Variants in STXBP5 observed in about 807,000 individuals in gnomAD.
STXBP5 encodes the protein syntaxin-binding protein 5.
STXBP5 carries 50 observed loss-of-function variants against 152.4 expected under a neutral mutation model. The ratio of observed to expected loss-of-function variants is 0.33; its 90% CI spans 0.26 to 0.42. The LOEUF (loss-of-function observed/expected upper bound fraction) is 0.42. Ranked by LOEUF, STXBP5 falls within the 10% of genes least tolerant of loss-of-function variation. STXBP5 has a pLI of 1.00. For synonymous variants in STXBP5, 492 were observed against 494.7 expected (o/e 0.99, Z 0.07); for missense variants, 1,167 against 1,388.6 (o/e 0.84, Z 2.54).
At chr6:147,297,495 C>G (rs1199240344) in intron 9 of STXBP5, among the ~76,000 whole-genome samples, 1 of 152,068 alleles carries the variant, frequency 6.6e-6, no homozygotes, top group African/African-American at 2.4e-5. Context: ...TAATTACTGT[C>G]ATGAAAACAT....
chr6:147,255,444 G>A (rs486867), intron 4 of STXBP5, among the ~76,000 whole-genome samples: 65,304 of 151,944 alleles, frequency 0.43, 14,320 homozygotes, highest in East Asian at 0.71. Context: ...TGGGTGGGTA[G>A]TCAAGAACAA....
chr6:147,256,330 A>G (rs529532631), intron 4 of STXBP5, among the ~76,000 whole-genome samples: 1 of 143,854 alleles, frequency 7.0e-6, no homozygotes, highest in African/African-American at 2.6e-5. Context: ...ATTAGTAGAA[A>G]TGTAATATCA....
At chr6:147,227,177 CAGTT>C (rs1296350702) in intron 2 of STXBP5, among the ~76,000 whole-genome samples, 1 of 152,176 alleles carries the variant, frequency 6.6e-6, no homozygotes, top group East Asian at 1.9e-4. Flanking sequence ...TGGTATAAGT[CAGTT>C]AGAGGGATAC....
At position 147,387,663 on chromosome 6, in the gene STXBP5, T is replaced by A. The variant is rs1786405234; in HGVS notation, c.*2908T>A. The A allele has an allele frequency of 6.6e-6, 1 of 151,856 alleles. No homozygotes were observed. The highest frequency in any genetic ancestry group is 2.1e-4 in the South Asian group (1 of 4,834). The allele number at this position is 151,856 out of a possible 1,614,324, so 9.4% of individuals were successfully genotyped here. The stretch of plus-strand genomic sequence containing the variant: ...CCAAAAAAATGGTTATAGATTCGAC[T>A]GAGCTATTACTAACTTCTCCATTTG... On this transcript the variant is annotated 3_prime_UTR_variant, in exon 28 of 28. Transcript: ENST00000321680.
chr6:147,338,122 T>A (rs758690210), intron 19 of STXBP5, among the ~76,000 whole-genome samples: 2 of 152,132 alleles, frequency 1.3e-5, no homozygotes, highest in African/African-American at 2.4e-5. Flanking sequence ...GGTATTTGCC[T>A]CTGGCAGAAA....
chr6:147,384,186 G>A (rs529363673), intron 27 of STXBP5, among the ~76,000 whole-genome samples: 3 of 152,194 alleles, frequency 2.0e-5, no homozygotes, highest in East Asian at 1.9e-4. Flanking sequence ...GACTGCATGG[G>A]CACAAATTCC....
chr6:147,273,572 G>T (rs1780286087), intron 7 of STXBP5, among the ~76,000 whole-genome samples: 1 of 152,078 alleles, frequency 6.6e-6, no homozygotes, highest in African/African-American at 2.4e-5. Flanking sequence ...CAGAAATATT[G>T]GTAGTAAAAT....
At chr6:147,345,879 T>C (rs1784303298) in intron 21 of STXBP5, among the ~76,000 whole-genome samples, 1 of 152,204 alleles carries the variant, frequency 6.6e-6, no homozygotes. Context: ...AACTTCGTTA[T>C]TCCTACTAAA....
Position 147,363,532 on chromosome 6 carries a change from G to A in STXBP5, c.2743G>A (p.Ala915Thr). 6.2e-7 allele frequency: 1 copy of A among 1,614,112 alleles called. No individual in the cohort carries two copies. Among genetic ancestry groups the A allele is most frequent in the South Asian group, 1.1e-5 (1 of 91,076 alleles). Residue 915 changes from alanine (A) to threonine (T), a missense_variant, in exon 24 of 28, where the codon GCA becomes ACA. Coordinates refer to ENST00000321680, the MANE Select transcript of STXBP5 (RefSeq NM_001127715.4). ...SSQEISENQYAVICSEKQAKV... is the reference protein window; with the variant it reads ...SSQEISENQYTVICSEKQAKV... ...TCAGGAAATTAGTGAAAACCAGTAT[G>A]CAGTGATATGTTCTGAAAAGCAAGC...
intron 17 of STXBP5, among the ~76,000 whole-genome samples, chr6:147,326,208 T>C (rs1402209841): frequency 6.6e-6 from 1 of 152,180 alleles, no homozygotes; most frequent in East Asian, 1.9e-4. Context: ...AGCACAAACT[T>C]TCTTCTTTTA....
intron 7 of STXBP5, among the ~76,000 whole-genome samples, chr6:147,268,115 C>T (rs1779982253): frequency 6.6e-6 from 1 of 152,096 alleles, no homozygotes; most frequent in Non-Finnish European, 1.5e-5. Context: ...CTTTTAGTTT[C>T]ACTGTGTGCT....
At chr6:147,290,856 C>T (rs1244618126) in intron 8 of STXBP5, among the ~76,000 whole-genome samples, 1 of 152,182 alleles carries the variant, frequency 6.6e-6, no homozygotes, top group Non-Finnish European at 1.5e-5. Context: ...AATTTTGTCA[C>T]ATAAATGTTC....
At chr6:147,377,400 A>G (rs953222248) in intron 26 of STXBP5, among the ~76,000 whole-genome samples, 1 of 152,216 alleles carries the variant, frequency 6.6e-6, no homozygotes, top group Non-Finnish European at 1.5e-5. Flanking sequence ...ACAGCAAAAT[A>G]AACCAAATAA....
intron 9 of STXBP5, among the ~76,000 whole-genome samples, chr6:147,309,451 A>G (rs556592599): frequency 6.6e-6 from 1 of 152,254 alleles, no homozygotes; most frequent in East Asian, 1.9e-4. Flanking sequence ...TAAATAATTT[A>G]GGTTTAATAA....
chr6:147,375,330 A>T (rs1411202635), intron 26 of STXBP5, among the ~76,000 whole-genome samples: 1 of 152,188 alleles, frequency 6.6e-6, no homozygotes, highest in South Asian at 2.1e-4. Flanking sequence ...AAACTGTAAA[A>T]GTCAATAGCA....
At chr6:147,381,419 CAT>C (rs1786078901) in intron 26 of STXBP5, among the ~76,000 whole-genome samples, 1 of 152,082 alleles carries the variant, frequency 6.6e-6, no homozygotes, top group East Asian at 1.9e-4. Context: ...TTGGAACCCT[CAT>C]ATATATTACT....
chr6:147,353,368 A>G lies in STXBP5; in HGVS notation c.2300A>G (p.Asp767Gly), dbSNP rs771728840. Residue 767 changes from aspartate to glycine, a missense_variant, in exon 22 of 28, where the codon GAT becomes GGT. Around this residue, in one of 3 missense-constraint regions of STXBP5, gnomAD observed 833 missense variants for 986.3 expected, o/e 0.84. Transcript: ENST00000321680. ...KLSLPTDLKP[D>G]LDVKDNSFSR... ...AGCTTACCTACTGACCTAAAGCCTG[A>G]TTTAGGTAAGTAAAATAAATATTCA... 7 of 1,570,616 alleles carry G rather than the reference A, an allele frequency of 4.5e-6. No individual in the cohort carries two copies. The highest frequency in any genetic ancestry group is 6.0e-6 in the Non-Finnish European group (7 of 1,158,200).
chr6:147,260,887 G>A (rs1779610312), intron 5 of STXBP5, 138 bp downstream of exon 5: 4 of 1,132,234 alleles, frequency 3.5e-6, no homozygotes, highest in Non-Finnish European at 4.8e-6. Context: ...AGATTTATTA[G>A]TTTTTTATGA....
At chr6:147,215,793 T>A (rs193036541) in intron 2 of STXBP5, among the ~76,000 whole-genome samples, 80 of 152,328 alleles carry the variant, frequency 5.3e-4, no homozygotes, top group African/African-American at 1.9e-3. Context: ...TCTGGAATTA[T>A]GATTAGTATA....
Sources: gnomAD v4.1 joint callset for allele counts (sites outside exome capture counted in the v4.1 genomes callset) on GRCh38, gnomAD v4.1.1 for gene constraint, gnomAD v4.1.1 regional missense constraint, MANE v1.5 for transcripts, NCBI Gene and HGNC (gene_info 2026-07-23, HGNC 2026-07-21) for gene names.